TSHZ1: variants seen among roughly 807,000 people sequenced by gnomAD.
TSHZ1 encodes teashirt zinc finger homeobox 1.
TSHZ1 carries 12 observed loss-of-function variants against 67.1 expected under a neutral mutation model. The ratio of observed to expected loss-of-function variants is 0.18; its 90% CI spans 0.11 to 0.29. The LOEUF (loss-of-function observed/expected upper bound fraction) is 0.29. Ranked by LOEUF, TSHZ1 falls within the 10% of genes least tolerant of loss-of-function variation. The pLI is 1.00. For missense variants in TSHZ1, 1,305 were observed against 1,413.9 expected, an observed-to-expected ratio of 0.92 and a Z score of 1.23; for synonymous variants, 632 against 622.4, an observed-to-expected ratio of 1.02 and a Z score of -0.23.
chr18:75,238,524 C>T (rs987876635), intron 1 of TSHZ1, among the ~76,000 whole-genome samples: 7 of 151,978 alleles, frequency 4.6e-5, no homozygotes, highest in African/African-American at 1.7e-4. Flanking sequence ...GTGAGACTAA[C>T]TGAGAAGATC....
intron 1 of TSHZ1, among the ~76,000 whole-genome samples, chr18:75,243,579 T>C (rs899312513): frequency 6.6e-6 from 1 of 152,082 alleles, no homozygotes; most frequent in Non-Finnish European, 1.5e-5. Flanking sequence ...GTGTGTGGTT[T>C]GAAGGATGAA....
intron 1 of TSHZ1, 66 bp from the exon 2 acceptor site, chr18:75,285,382 G>A: frequency 7.1e-7 from 1 of 1,413,534 alleles, no homozygotes; most frequent in Non-Finnish European, 9.2e-7. Flanking sequence ...TCATCTAACT[G>A]CTGGGGAGGC....
chr18:75,213,452 A>G (rs1057133891), intron 1 of TSHZ1, among the ~76,000 whole-genome samples: 1 of 152,182 alleles, frequency 6.6e-6, no homozygotes. Flanking sequence ...AGGTCTTTAC[A>G]TTTTCACAGT....
At chr18:75,267,218 C>T (rs76349414) in intron 1 of TSHZ1, among the ~76,000 whole-genome samples, 1,620 of 152,282 alleles carry the variant, frequency 0.011, 26 homozygotes, top group African/African-American at 0.035. Flanking sequence ...CATAATCCTG[C>T]GAAAGCTGGT....
chr18:75,211,312 A>G lies in TSHZ1; in HGVS notation c.-565A>G, dbSNP rs2022679236. On this transcript the variant is annotated 5_prime_UTR_variant, in exon 1 of 2. Transcript: ENST00000580243. ...CTCTTAGACTAAGTGCGGGGAGGAAAAGGACAGCCTGCATCGGCCTCGCTG... is the reference window on the plus strand; with the variant it reads ...CTCTTAGACTAAGTGCGGGGAGGAAGAGGACAGCCTGCATCGGCCTCGCTG... The G allele has an allele frequency of 6.6e-6, 1 of 151,938 alleles. No individual in the cohort carries two copies. The highest frequency in any genetic ancestry group is 1.5e-5 in the Non-Finnish European group (1 of 67,992). The allele number at this position is 151,938 out of a possible 1,614,324, so 9.4% of individuals were successfully genotyped here.
chr18:75,234,186 C>T (rs981075294), intron 1 of TSHZ1, among the ~76,000 whole-genome samples: 5 of 152,152 alleles, frequency 3.3e-5, no homozygotes, highest in Admixed American at 2.6e-4. Context: ...TGACTGGAGC[C>T]GGAGCCTGTG....
chr18:75,217,451 G>GTTTGT (rs1403693463), intron 1 of TSHZ1, among the ~76,000 whole-genome samples: 1 of 151,602 alleles, frequency 6.6e-6, no homozygotes, highest in Non-Finnish European at 1.5e-5. Context: ...TAGTGTTTTT[G>GTTTGT]TTTGTTTTGT....
chr18:75,281,705 C>T lies in TSHZ1; in HGVS notation c.41-3743C>T, dbSNP rs1208021466. Among the ~76,000 whole-genome samples, 4 of 152,128 alleles carry T rather than the reference C, an allele frequency of 2.6e-5. No homozygotes were observed. Among genetic ancestry groups the T allele is most frequent in the South Asian group, 2.1e-4 (1 of 4,808 alleles). ...GGATGCGGCAGCTCAGAACGGGGAG[C>T]GGGTAGCGGTCACCGAGGGTCTGGA... On this transcript the variant is annotated intron_variant, in intron 1 of 1. Coordinates refer to ENST00000580243, the MANE Select transcript of TSHZ1 (RefSeq NM_001308210.2). The surrounding 1 kb of genome is among the most constrained non-coding windows in gnomAD (Gnocchi z 5.3).
intron 1 of TSHZ1, among the ~76,000 whole-genome samples, chr18:75,232,329 C>T (rs1276806268): frequency 6.6e-6 from 1 of 152,112 alleles, no homozygotes; most frequent in Non-Finnish European, 1.5e-5. Flanking sequence ...ACCAATAAAG[C>T]CAAATTTTAG....
intron 1 of TSHZ1, among the ~76,000 whole-genome samples, chr18:75,241,933 C>T (rs1439541730): frequency 1.4e-5 from 2 of 147,420 alleles, no homozygotes; most frequent in African/African-American, 5.1e-5. Context: ...GGACTTAGGA[C>T]CCATCCTGAT....
At chr18:75,214,520 G>T (rs1351934962) in intron 1 of TSHZ1, among the ~76,000 whole-genome samples, 1 of 152,140 alleles carries the variant, frequency 6.6e-6, no homozygotes, top group Non-Finnish European at 1.5e-5. Context: ...CATCCTGACT[G>T]TTTTTTTCTT....
intron 1 of TSHZ1, among the ~76,000 whole-genome samples, chr18:75,227,334 A>G (rs1056391313): frequency 2.0e-5 from 3 of 151,820 alleles, no homozygotes; most frequent in Non-Finnish European, 4.4e-5. Context: ...TCTGTTGCCT[A>G]GAATTTGTAA....
chr18:75,238,309 C>T (rs2023107200), intron 1 of TSHZ1, among the ~76,000 whole-genome samples: 1 of 152,170 alleles, frequency 6.6e-6, no homozygotes, highest in South Asian at 2.1e-4. Context: ...AACTGTGACT[C>T]ATGATGGAAC....
chr18:75,270,889 C>T (rs1308145338), intron 1 of TSHZ1, among the ~76,000 whole-genome samples: 1 of 152,116 alleles, frequency 6.6e-6, no homozygotes, highest in Non-Finnish European at 1.5e-5. Context: ...CATTGTTCTC[C>T]AAGCATTTTC....
At chr18:75,264,299 A>G (rs1314547675) in intron 1 of TSHZ1, among the ~76,000 whole-genome samples, 1 of 152,194 alleles carries the variant, frequency 6.6e-6, no homozygotes, top group Non-Finnish European at 1.5e-5. Flanking sequence ...TCTGAAATGG[A>G]TAGTTTACCC....
At chr18:75,248,137 C>G (rs745551638) in intron 1 of TSHZ1, among the ~76,000 whole-genome samples, 2 of 152,148 alleles carry the variant, frequency 1.3e-5, no homozygotes, top group Admixed American at 1.3e-4. Context: ...AAAAATGTTT[C>G]TCATACTGGA....
chr18:75,220,697 G>A (rs2022834871), intron 1 of TSHZ1, among the ~76,000 whole-genome samples: 1 of 152,104 alleles, frequency 6.6e-6, no homozygotes, highest in Non-Finnish European at 1.5e-5. Context: ...TAAGCCGCTT[G>A]TTTAACCTTT....
At position 75,289,748 on chromosome 18, in the gene TSHZ1, A is replaced by T. The variant is rs1370979413; in HGVS notation, c.*1107A>T. 16 of 167,098 alleles carry T rather than the reference A, an allele frequency of 9.6e-5. No homozygotes were observed. The allele number at this position is 167,098 out of a possible 1,614,324, so 10.4% of individuals were successfully genotyped here. On this transcript the variant is annotated 3_prime_UTR_variant, in exon 2 of 2. Coordinates refer to ENST00000580243, the MANE Select transcript of TSHZ1 (RefSeq NM_001308210.2). ...ATTTAAATAGAGGACTTTTACTGGC[A>T]CCTGCATCTCTCCAGATGCATGTAC...
intron 1 of TSHZ1, among the ~76,000 whole-genome samples, chr18:75,228,680 A>G (rs987488786): frequency 4.6e-5 from 7 of 152,220 alleles, no homozygotes; most frequent in African/African-American, 1.4e-4. Context: ...TGGCAGCGCT[A>G]TTGACATTTG....
Sources: gnomAD v4.1 joint callset for allele counts (sites outside exome capture counted in the v4.1 genomes callset) on GRCh38, gnomAD v4.1.1 for gene constraint, Gnocchi (gnomAD v3.1) non-coding constraint, MANE v1.5 for transcripts, NCBI Gene and HGNC (gene_info 2026-07-23, HGNC 2026-07-21) for gene names.